OR4K1: variants seen among roughly 807,000 people sequenced by gnomAD.
OR4K1 encodes olfactory receptor family 4 subfamily K member 1.
In OR4K1, 16 loss-of-function variants were observed where a neutral mutation model predicts 14.4. That is an observed-to-expected ratio of 1.11 (90% CI 0.75 to 1.68). The LOEUF is 1.68. Ranked by LOEUF, OR4K1 falls within the 40% of genes most tolerant of loss-of-function variation. The pLI is 0.00. For missense variants in OR4K1, 548 were observed against 376.9 expected (o/e 1.45, Z -3.76); for synonymous variants, 181 against 133.1 (o/e 1.36, Z -2.48).
chr14:19,922,010 C>A, the OR4K1 span, among the ~76,000 whole-genome samples: 3 of 152,134 alleles, frequency 2.0e-5, no homozygotes, highest in Non-Finnish European at 4.4e-5. Flanking sequence ...CAGGGAATAG[C>A]CAAACTACAA....
chr14:19,920,931 G>C, the OR4K1 span: 1 of 1,614,156 alleles, frequency 6.2e-7, no homozygotes, highest in Non-Finnish European at 8.5e-7. Flanking sequence ...CCTTTTTACT[G>C]GAGGGGAGAT....
chr14:19,922,778 G>T, the OR4K1 span, among the ~76,000 whole-genome samples: 1 of 152,044 alleles, frequency 6.6e-6, no homozygotes, highest in Non-Finnish European at 1.5e-5. Flanking sequence ...ACTTTCCTGT[G>T]CTGTCTCCCC....
chr14:19,925,310 A>G, the OR4K1 span, among the ~76,000 whole-genome samples: 1 of 152,236 alleles, frequency 6.6e-6, no homozygotes, highest in Non-Finnish European at 1.5e-5. Flanking sequence ...TGATCAAGTC[A>G]CCAATCTCTT....
chr14:19,921,579 G>A, the OR4K1 span: 2 of 1,604,096 alleles, frequency 1.2e-6, no homozygotes, highest in Non-Finnish European at 1.7e-6. Flanking sequence ...CTTTCATTAA[G>A]ACAAAACTCC....
the OR4K1 span, among the ~76,000 whole-genome samples, chr14:19,924,642 C>T: frequency 2.0e-5 from 3 of 152,134 alleles, no homozygotes; most frequent in African/African-American, 4.8e-5. Context: ...TGTAGCTATT[C>T]CTCAAAGATC....
the OR4K1 span, chr14:19,920,551 C>T: frequency 2.0e-6 from 3 of 1,519,932 alleles, no homozygotes; most frequent in Non-Finnish European, 2.6e-6. Context: ...AATTCTGATT[C>T]CTTTCTATTT....
chr14:19,932,327 T>G (rs1882202917), intron 1 of OR4K1, among the ~76,000 whole-genome samples: 1 of 150,406 alleles, frequency 6.6e-6, no homozygotes, highest in South Asian at 2.1e-4. Context: ...TCCTTTTCCT[T>G]TTTTCTTCCT....
At chr14:19,931,913 A>C (rs1285869756) in intron 1 of OR4K1, among the ~76,000 whole-genome samples, 10 of 152,256 alleles carry the variant, frequency 6.6e-5, no homozygotes, top group Admixed American at 6.5e-4. Context: ...AATTTTAGAG[A>C]TGAAACTAGC....
At chr14:19,921,741 T>C in the OR4K1 span, 1 of 776,352 alleles carries the variant, frequency 1.3e-6, no homozygotes, top group Non-Finnish European at 1.9e-6. Context: ...AAGTTAAATA[T>C]AAAAACATGG....
intron 1 of OR4K1, chr14:19,931,471 TAAC>T (rs1882183188): frequency 6.6e-6 from 1 of 152,404 alleles, no homozygotes; most frequent in African/African-American, 2.4e-5. Flanking sequence ...GCCATTAGTT[TAAC>T]AAATGTTTAT....
chr14:19,924,039 A>C, the OR4K1 span, among the ~76,000 whole-genome samples: 1 of 152,254 alleles, frequency 6.6e-6, no homozygotes, highest in Admixed American at 6.5e-5. Context: ...AGTTGAATAA[A>C]AAAAAGTCAG....
At chr14:19,933,834 C>T (rs1882241624) in intron 1 of OR4K1, among the ~76,000 whole-genome samples, 1 of 152,316 alleles carries the variant, frequency 6.6e-6, no homozygotes, top group Admixed American at 6.5e-5. Context: ...ATCTGCCCAC[C>T]TCGGCCTCCC....
upstream of OR4K1, among the ~76,000 whole-genome samples, chr14:19,926,026 G>A (rs1433636045): frequency 6.6e-6 from 1 of 152,260 alleles, no homozygotes; most frequent in Admixed American, 6.5e-5. Context: ...GCAGAGCCAA[G>A]ATCCAGTATT....
chr14:19,920,693 T>C, the OR4K1 span: 3 of 1,614,100 alleles, frequency 1.9e-6, no homozygotes, highest in Non-Finnish European at 2.5e-6. Context: ...TCTATTTTTG[T>C]TTCTTCTCTG....
At chr14:19,931,944 A>G (rs1412694884) in intron 1 of OR4K1, among the ~76,000 whole-genome samples, 2 of 152,360 alleles carry the variant, frequency 1.3e-5, no homozygotes, top group African/African-American at 4.8e-5. Flanking sequence ...ATCCAGTTCT[A>G]TCTTTTAAGT....
upstream of OR4K1, among the ~76,000 whole-genome samples, chr14:19,928,708 C>T: frequency 6.6e-6 from 1 of 152,104 alleles, no homozygotes; most frequent in East Asian, 1.9e-4. Flanking sequence ...CATATTTTCT[C>T]CCCAAATTAC....
chr14:19,935,179 T>C (rs1594456136), intron 1 of OR4K1, among the ~76,000 whole-genome samples: 1 of 152,252 alleles, frequency 6.6e-6, no homozygotes, highest in Non-Finnish European at 1.5e-5. Flanking sequence ...TTACCTTTGA[T>C]TCTTTATTCA....
the OR4K1 span, among the ~76,000 whole-genome samples, chr14:19,925,716 C>A: frequency 2.0e-5 from 3 of 152,248 alleles, no homozygotes; most frequent in Non-Finnish European, 2.9e-5. Flanking sequence ...TTCGAAAGAG[C>A]TGATGTGATG....
upstream of OR4K1, among the ~76,000 whole-genome samples, chr14:19,926,795 A>T (rs1356941876): frequency 6.6e-6 from 1 of 152,276 alleles, no homozygotes; most frequent in African/African-American, 2.4e-5. Context: ...GGAGATATCC[A>T]TGATAAATAA....
Sources: allele counts gnomAD v4.1 joint callset (sites outside exome capture counted in the v4.1 genomes callset), GRCh38; gene constraint gnomAD v4.1.1; transcripts MANE v1.5; gene names NCBI Gene and HGNC (gene_info 2026-07-23, HGNC 2026-07-21).